GPSM1: variants seen among roughly 807,000 people sequenced by gnomAD.
GPSM1 encodes G protein-signaling modulator 1.
In GPSM1, 48 loss-of-function variants were observed where a neutral mutation model predicts 70.5. That is an observed-to-expected ratio of 0.68 (90% confidence interval 0.54 to 0.87). GPSM1 has a LOEUF of 0.87. Among genes scored for constraint, GPSM1 ranks in the 40% least tolerant of loss-of-function variants. The pLI is 0.00. For synonymous variants in GPSM1, 416 were observed against 430.1 expected (o/e 0.97, Z 0.41); for missense variants, 981 against 972.6 (o/e 1.01, Z -0.11).
At chr9:136,336,481 G>C (rs1832239435) in intron 3 of GPSM1, among the ~76,000 whole-genome samples, 1 of 152,184 alleles carries the variant, frequency 6.6e-6, no homozygotes, top group South Asian at 2.1e-4. Flanking sequence ...AGGAAGAGTG[G>C]CTCCGTCTCC....
chr9:136,343,009 C>A lies in GPSM1; in HGVS notation c.1207+2016C>A, dbSNP rs1162627621. Among the ~76,000 whole-genome samples, 3 of 152,106 alleles carry A rather than the reference C, an allele frequency of 2.0e-5. No individual in the cohort carries two copies. The highest frequency in any genetic ancestry group is 4.4e-5 in the Non-Finnish European group (3 of 67,992). On this transcript the variant is annotated intron_variant, in intron 9 of 13. Transcript: ENST00000440944. This position sits in a 1 kb window ranked among gnomAD's most constrained non-coding sequence, Gnocchi z 6.0. ...CCGTTGATAAACACAAGGAGACTTA[C>A]GTGCGGCTGGAGGACAAAGAGCCTT...
At chr9:136,357,408 C>A (rs1411766042) in intron 13 of GPSM1, among the ~76,000 whole-genome samples, 1 of 152,224 alleles carries the variant, frequency 6.6e-6, no homozygotes, top group Non-Finnish European at 1.5e-5. Flanking sequence ...GGCCCAGAGT[C>A]CCCCATCCAC....
At position 136,341,271 on chromosome 9, in the gene GPSM1, C is replaced by T; in HGVS notation, c.1207+278C>T. On this transcript the variant is annotated intron_variant, in intron 9 of 13. Transcript: ENST00000440944. The surrounding 1 kb of genome is among the most constrained non-coding windows in gnomAD (Gnocchi z 6.7). ...CCACTGGCTGCTCCAGGGCCTCCAC[C>T]CCCACCTCCCCCTGGAGCCCTCGGT... The T allele has an allele frequency of 2.0e-6, 3 of 1,476,456 alleles. No homozygotes were observed. The highest frequency in any genetic ancestry group is 2.7e-6 in the Non-Finnish European group (3 of 1,111,680). The allele number at this position is 1,476,456 out of a possible 1,614,324, so 91.5% of individuals were successfully genotyped here. A position where few individuals can be genotyped will look rare whatever the true frequency, so the allele number is the denominator to read the frequency against.
chr9:136,345,586 C>G (rs980190986), intron 9 of GPSM1, among the ~76,000 whole-genome samples: 33 of 152,228 alleles, frequency 2.2e-4, no homozygotes, highest in African/African-American at 8.0e-4. Flanking sequence ...AGGGCCAGGC[C>G]TGGCAGAAGC....
intron 1 of GPSM1, among the ~76,000 whole-genome samples, chr9:136,332,612 C>T (rs565041581): frequency 1.3e-5 from 2 of 152,240 alleles, no homozygotes; most frequent in South Asian, 2.1e-4. Context: ...CAGGAAGCCC[C>T]GTGCGTGGCG....
chr9:136,357,415 C>T (rs1180103431), intron 13 of GPSM1, among the ~76,000 whole-genome samples: 1 of 152,248 alleles, frequency 6.6e-6, no homozygotes, highest in Non-Finnish European at 1.5e-5. Flanking sequence ...AGTCCCCCAT[C>T]CACACGCATG....
Position 136,337,921 on chromosome 9 carries a change from G to C in GPSM1, c.778G>C (p.Val260Leu), listed in dbSNP as rs566571346. The change falls in exon 6 of 14, where the codon GTC becomes CTC. Residue 260 changes from valine to leucine, a missense_variant. By Grantham distance (32) the Val-to-Leu change is conservative (BLOSUM62 1). Coordinates refer to ENST00000440944, the MANE Select transcript of GPSM1 (RefSeq NM_001145638.3). ...CTACAGCAACCTGGGGAACGCCCAC[G>C]TCTTCCTGGGGCGCTTTGACGTGGC... is the stretch of plus-strand genomic sequence containing the variant. ...RAYSNLGNAH[V>L]FLGRFDVAAE... 1 of 1,612,510 alleles carries C rather than the reference G, an allele frequency of 6.2e-7. No individual in the cohort carries two copies.
chr9:136,358,636 T>G lies in GPSM1; in HGVS notation c.*416T>G. ...GGCCACCAAGGACAGGGCCATGTTC[T>G]GTCCCCCCAGAGCTGGTCTTGGGAT... On this transcript the variant is annotated 3_prime_UTR_variant, in exon 14 of 14. Coordinates refer to ENST00000440944, the MANE Select transcript of GPSM1 (RefSeq NM_001145638.3). 3.5e-6 allele frequency: 1 copy of G among 285,580 alleles called. No individual in the cohort carries two copies. 17.7% of individuals were successfully genotyped at this position (285,580 alleles called of 1,614,324 possible).
At position 136,339,752 on chromosome 9, in the gene GPSM1, G is replaced by A; in HGVS notation, c.1020G>A (p.Val340=). 1 of 1,550,304 alleles carries A rather than the reference G, an allele frequency of 6.5e-7. No homozygotes were observed. The highest frequency in any genetic ancestry group is 8.7e-7 in the Non-Finnish European group (1 of 1,146,774). ...RACWSLGNAY[V]SMGRPAQALT... is the part of the protein sequence containing the mutation. ...GCTGGAGCCTGGGAAATGCCTACGTGTCCATGGGGCGCCCAGCGCAGGCCC... is the reference window on the plus strand; with the variant it reads ...GCTGGAGCCTGGGAAATGCCTACGTATCCATGGGGCGCCCAGCGCAGGCCC... Residue 340 remains valine, a synonymous_variant, in exon 8 of 14, where the codon GTG becomes GTA. Coordinates refer to ENST00000440944, the MANE Select transcript of GPSM1 (RefSeq NM_001145638.3).
intron 11 of GPSM1, chr9:136,353,018 G>A: frequency 1.2e-6 from 1 of 857,776 alleles, no homozygotes. Flanking sequence ...TAAGCCTCAG[G>A]CATCCCAGCA....
At position 136,356,540 on chromosome 9, in the gene GPSM1, T is replaced by C; in HGVS notation, c.1811T>C (p.Ile604Thr). 6.2e-7 allele frequency: 1 copy of C among 1,610,620 alleles called. No individual in the cohort carries two copies. Among genetic ancestry groups the C allele is most frequent in the South Asian group, 1.1e-5 (1 of 90,902 alleles). Reference protein sequence around the residue: ...EPGDDFFNMLIKYQSSRIDDQ... With the variant: ...EPGDDFFNMLTKYQSSRIDDQ... ...GGGGACGACTTCTTCAACATGCTCA[T>C]CAAGTACCAGGTGGGCTGCGGCCCT... is the stretch of plus-strand genomic sequence containing the variant. Residue 604 changes from isoleucine to threonine, a missense_variant, in exon 13 of 14, where the codon ATC becomes ACC. Physicochemically the swap from Ile to Thr is moderately conservative, Grantham distance 89. Transcript: ENST00000440944.
chr9:136,331,213 C>T (rs1338743376), intron 1 of GPSM1, among the ~76,000 whole-genome samples: 1 of 152,154 alleles, frequency 6.6e-6, no homozygotes, highest in Non-Finnish European at 1.5e-5. Flanking sequence ...TCCATGCCTC[C>T]CAAGCCCCAC....
intron 9 of GPSM1, among the ~76,000 whole-genome samples, chr9:136,348,219 T>C (rs1302922834): frequency 6.6e-6 from 1 of 152,208 alleles, no homozygotes; most frequent in African/African-American, 2.4e-5. Flanking sequence ...TCCCCGACCC[T>C]GGCCTGGGCT....
intron 11 of GPSM1, among the ~76,000 whole-genome samples, chr9:136,353,679 G>A (rs371716088): frequency 1.4e-4 from 22 of 152,202 alleles, no homozygotes; most frequent in Non-Finnish European, 1.5e-5. Flanking sequence ...GGCCCCTGAC[G>A]GGTCCTGCCT....
At position 136,334,507 on chromosome 9, in the gene GPSM1, C is replaced by T; in HGVS notation, c.129C>T (p.Asp43=). The change falls in exon 2 of 14, where the codon GAC becomes GAT. Residue 43 remains aspartate (D), a synonymous_variant. Coordinates refer to ENST00000440944, the MANE Select transcript of GPSM1 (RefSeq NM_001145638.3). ...GCGAGCGTCTGTGCAAGGCGGGCGA[C>T]TTCAAGACAGGCGTGGCCTTCTTTG... The part of the protein sequence containing the change: ...LEGERLCKAG[D]FKTGVAFFEA... The T allele has an allele frequency of 1.2e-6, 2 of 1,613,334 alleles. No homozygotes were observed. Among genetic ancestry groups the T allele is most frequent in the Middle Eastern group, 3.3e-4 (2 of 6,044 alleles).
chr9:136,337,407 G>A, intron 4 of GPSM1, 34 bp from the exon 5 acceptor site: 1 of 1,562,116 alleles, frequency 6.4e-7, no homozygotes, highest in Non-Finnish European at 8.7e-7. Context: ...ACATGGGCTG[G>A]GAGGGACACG....
At chr9:136,355,954 C>T in intron 12 of GPSM1, 108 bp downstream of exon 12, 2 of 912,036 alleles carry the variant, frequency 2.2e-6, no homozygotes, top group South Asian at 3.4e-5. Flanking sequence ...GACCAGCAGG[C>T]CAGCTGCAGA....
At chr9:136,345,703 C>T (rs1172925124) in intron 9 of GPSM1, among the ~76,000 whole-genome samples, 9 of 152,188 alleles carry the variant, frequency 5.9e-5, no homozygotes, top group Non-Finnish European at 1.0e-4. Flanking sequence ...CAGTGCACAC[C>T]GGGAGACGGA....
In GPSM1 at chr9:136,358,450, C is replaced by T. The variant is rs1036147007; in HGVS notation, c.*230C>T. On this transcript the variant is annotated 3_prime_UTR_variant, in exon 14 of 14. Transcript: ENST00000440944. Reference sequence around the variant, plus strand: ...TCAGCTTCCTCCCTTCTGCCCCTGCCGCAGGCCGGACGGGGCCTTCGGCAT... The same window carrying T: ...TCAGCTTCCTCCCTTCTGCCCCTGCTGCAGGCCGGACGGGGCCTTCGGCAT... 80 of 564,158 alleles carry T rather than the reference C, an allele frequency of 1.4e-4. No individual in the cohort carries two copies. Among genetic ancestry groups the T allele is most frequent in the South Asian group, 1.0e-3 (47 of 44,778 alleles). 34.9% of individuals were successfully genotyped at this position (564,158 alleles called of 1,614,324 possible).
Sources: allele counts gnomAD v4.1 joint callset (sites outside exome capture counted in the v4.1 genomes callset), GRCh38; gene constraint gnomAD v4.1.1; non-coding constraint Gnocchi (gnomAD v3.1); transcripts MANE v1.5; gene names NCBI Gene and HGNC (gene_info 2026-07-23, HGNC 2026-07-21).